The following DOCK2 variants were observed in gnomAD, a reference collection of about 807,000 sequenced individuals.
DOCK2 encodes the protein dedicator of cytokinesis protein 2.
A neutral mutation model predicts 248.9 loss-of-function variants in DOCK2; 87 were observed. That is an observed-to-expected ratio of 0.35 (90% CI 0.29 to 0.42). DOCK2 has a LOEUF of 0.42. Ranked by LOEUF, DOCK2 falls within the 10% of genes least tolerant of loss-of-function variation. The pLI is 1.00. For missense variants in DOCK2, 1,747 were observed against 2,300.2 expected, an observed-to-expected ratio of 0.76 and a Z score of 4.92; for synonymous variants, 805 against 821.6, an observed-to-expected ratio of 0.98 and a Z score of 0.35.
intron 27 of DOCK2, among the ~76,000 whole-genome samples, chr5:169,927,087 T>G (rs897175240): frequency 3.3e-5 from 5 of 152,112 alleles, no homozygotes; most frequent in Non-Finnish European, 4.4e-5. Flanking sequence ...ATATGCTACA[T>G]GAAGAGTGGG....
intron 44 of DOCK2, among the ~76,000 whole-genome samples, chr5:170,062,100 A>AGTGTGTGT (rs148650076): frequency 1.3e-4 from 19 of 144,524 alleles, no homozygotes; most frequent in African/African-American, 4.9e-4. Flanking sequence ...TATGTATATG[A>AGTGTGTGT]GTGTGTGTGT....
chr5:169,718,104 C>T (rs761350736), intron 21 of DOCK2, among the ~76,000 whole-genome samples: 1 of 151,924 alleles, frequency 6.6e-6, no homozygotes, highest in Non-Finnish European at 1.5e-5. Context: ...GGGGGAGCTA[C>T]ACAGAAGAAA....
chr5:169,677,068 G>GGT (rs1324403042), intron 6 of DOCK2, among the ~76,000 whole-genome samples: 1 of 152,170 alleles, frequency 6.6e-6, no homozygotes, highest in Non-Finnish European at 1.5e-5. Context: ...AGAGTGATTA[G>GGT]GTGTGTGAGC....
intron 2 of DOCK2, among the ~76,000 whole-genome samples, chr5:169,664,508 A>T (rs4342345): frequency 5.9e-5 from 9 of 152,134 alleles, no homozygotes; most frequent in Non-Finnish European, 1.2e-4. Context: ...GTTATAAAGA[A>T]CTACCCGAGA....
intron 27 of DOCK2, among the ~76,000 whole-genome samples, chr5:169,923,372 C>T (rs767357303): frequency 5.9e-5 from 9 of 152,176 alleles, no homozygotes; most frequent in Non-Finnish European, 1.0e-4. Flanking sequence ...AAGGGGCATA[C>T]GCAGAAAACA....
At chr5:169,921,547 C>G (rs998406062) in intron 27 of DOCK2, among the ~76,000 whole-genome samples, 1 of 152,308 alleles carries the variant, frequency 6.6e-6, no homozygotes, top group Admixed American at 6.5e-5. Context: ...CTCTTTCCTC[C>G]TCTTCGTAGG....
intron 30 of DOCK2, among the ~76,000 whole-genome samples, chr5:170,006,945 C>T (rs558437866): frequency 1.3e-5 from 2 of 152,296 alleles, no homozygotes; most frequent in African/African-American, 4.8e-5. Context: ...CCTCTCCAAG[C>T]TTCAGTCTCC....
At chr5:169,690,783 A>C (rs989085924) in intron 9 of DOCK2, among the ~76,000 whole-genome samples, 1 of 152,110 alleles carries the variant, frequency 6.6e-6, no homozygotes, top group African/African-American at 2.4e-5. Flanking sequence ...AGCATCAGTA[A>C]ATTTGTGTCA....
chr5:169,868,922 T>A (rs905144789), intron 27 of DOCK2, among the ~76,000 whole-genome samples: 1 of 152,118 alleles, frequency 6.6e-6, no homozygotes, highest in Non-Finnish European at 1.5e-5. Flanking sequence ...CAGAGCTGAA[T>A]GCTCTTGGGT....
intron 27 of DOCK2, among the ~76,000 whole-genome samples, chr5:169,895,157 T>C (rs1323168557): frequency 1.3e-5 from 2 of 152,220 alleles, no homozygotes; most frequent in African/African-American, 4.8e-5. Context: ...GCCTCTCACC[T>C]GATGGGCTCA....
At chr5:169,838,295 GAATCC>G (rs1412922174) in intron 26 of DOCK2, among the ~76,000 whole-genome samples, 2 of 152,164 alleles carry the variant, frequency 1.3e-5, no homozygotes, top group Non-Finnish European at 2.9e-5. Flanking sequence ...CTGCTGGGTT[GAATCC>G]TTTCTCCCTT....
At position 169,870,706 on chromosome 5, in the gene DOCK2, A is replaced by T. The variant is rs143367557; in HGVS notation, c.2799+29854A>T. On this transcript the variant is annotated intron_variant, in intron 27 of 51. Coordinates refer to ENST00000520908, the MANE Select transcript of DOCK2 (RefSeq NM_004946.3). The stretch of plus-strand genomic sequence containing the variant: ...CCATGTTGGTATGCTGCACCCATTA[A>T]CTCATCATTTAGCATTAGGTCTGTG... Among the ~76,000 whole-genome samples the T allele has an allele frequency of 5.3e-4, 80 of 152,132 alleles. 4 individuals are homozygous for T. The East Asian group carries it at 0.015, about 29-fold the overall frequency.
chr5:169,716,257 G>C lies in DOCK2; in HGVS notation c.1986G>C (p.Glu662Asp). 1 of 1,613,762 alleles carries C rather than the reference G, an allele frequency of 6.2e-7. No individual in the cohort carries two copies. The highest frequency in any genetic ancestry group is 8.5e-7 in the Non-Finnish European group (1 of 1,179,736). The change falls in exon 20 of 52, where the codon GAG (glutamate) becomes GAC (aspartate). Residue 662 changes from glutamate (E) to aspartate (D), a missense_variant. Physicochemically the swap from Glu to Asp is conservative, Grantham distance 45. Around this residue, in one of 4 missense-constraint regions of DOCK2, gnomAD observed 858 missense variants for 1,183.5 expected, o/e 0.72. Coordinates refer to ENST00000520908, the MANE Select transcript of DOCK2 (RefSeq NM_004946.3). The stretch of plus-strand genomic sequence containing the variant: ...ATGCCCTCTTCAACATCATGATGGA[G>C]CATTCTCAAAGTGATGAATATGACA... ...TLDALFNIMM[E>D]HSQSDEYDIL... is the part of the protein sequence containing the mutation.
rs140418084 is a variant in DOCK2 at position 170,067,189 on chromosome 5, C to T, written c.4468-321C>T. Among the ~76,000 whole-genome samples the T allele has an allele frequency of 2.9e-4, 44 of 152,276 alleles. 1 individual carries two copies. The highest frequency in any genetic ancestry group is 6.2e-4 in the South Asian group (3 of 4,828). ...ACACATAGTATCTGCCCAACCAATA[C>T]TGAAAGGGTTGAATTGGCATGTGTT... On this transcript the variant is annotated intron_variant, in intron 44 of 51. Coordinates refer to ENST00000520908, the MANE Select transcript of DOCK2 (RefSeq NM_004946.3).
chr5:169,970,931 C>T (rs940714391), intron 27 of DOCK2, among the ~76,000 whole-genome samples: 6 of 151,962 alleles, frequency 3.9e-5, no homozygotes, highest in African/African-American at 1.5e-4. Flanking sequence ...AGGAAGAAAC[C>T]TTCAAAGGCA....
At chr5:169,691,313 GC>G (rs1339176321) in intron 9 of DOCK2, among the ~76,000 whole-genome samples, 2 of 152,272 alleles carry the variant, frequency 1.3e-5, no homozygotes, top group South Asian at 2.1e-4. Flanking sequence ...CCCACCTCCA[GC>G]CTGGGGATTA....
Position 169,875,083 on chromosome 5 carries a change from C to T in DOCK2, c.2799+34231C>T, listed in dbSNP as rs918311417. The T allele has an allele frequency of 1.2e-5, 5 of 406,710 alleles. 1 individual carries two copies. The Middle Eastern group carries it at 1.1e-3, about 89-fold the overall frequency. 25.2% of individuals were successfully genotyped at this position (406,710 alleles called of 1,614,324 possible). On this transcript the variant is annotated intron_variant, in intron 27 of 51. Transcript: ENST00000520908. Reference sequence around the variant, plus strand: ...AGATGTAGTAAGAACTAAAGCTACTCTCTGGGCTATTTTACAAGCAAGTAT... The same window carrying T: ...AGATGTAGTAAGAACTAAAGCTACTTTCTGGGCTATTTTACAAGCAAGTAT...
chr5:169,711,961 G>A lies in DOCK2; in HGVS notation c.1509G>A (p.Gln503=). The A allele has an allele frequency of 6.2e-7, 1 of 1,614,090 alleles. No individual in the cohort carries two copies. The highest frequency in any genetic ancestry group is 1.1e-5 in the South Asian group (1 of 91,076). The stretch of plus-strand genomic sequence containing the variant: ...TGGCTGTCCCTATTGAAGACATGCA[G>A]AGGATCCATCTGCGATTCATGTTTC... The part of the protein sequence containing the change: ...VKVAVPIEDM[Q]RIHLRFMFRH... Residue 503 remains glutamine (Q), a synonymous_variant, in exon 16 of 52, where the codon CAG becomes CAA. Transcript: ENST00000520908.
At chr5:169,699,356 A>G (rs1159571649) in intron 11 of DOCK2, 26 bp from the exon 12 acceptor site, 4 of 1,609,324 alleles carry the variant, frequency 2.5e-6, no homozygotes, top group Non-Finnish European at 8.5e-7. Context: ...CGATGTGGAC[A>G]TTTCATGCTC....
Sources: gnomAD v4.1 joint callset for allele counts (sites outside exome capture counted in the v4.1 genomes callset) on GRCh38, gnomAD v4.1.1 for gene constraint, gnomAD v4.1.1 regional missense constraint, MANE v1.5 for transcripts, NCBI Gene and HGNC (gene_info 2026-07-23, HGNC 2026-07-21) for gene names.